Variants in DGKB observed in about 807,000 individuals in gnomAD.
DGKB encodes the protein diacylglycerol kinase beta, also known as 90 kDa diacylglycerol kinase.
In DGKB, 67 loss-of-function variants were observed where a neutral mutation model predicts 114.3. That is an observed-to-expected ratio of 0.59 (90% CI 0.48 to 0.72). The LOEUF (loss-of-function observed/expected upper bound fraction) is 0.72. Among genes scored for constraint, DGKB ranks in the 30% least tolerant of loss-of-function variants. DGKB has a pLI of 0.00. For synonymous variants in DGKB, 398 were observed against 323.1 expected, an observed-to-expected ratio of 1.23 and a Z score of -2.49; for missense variants, 907 against 975.2, an observed-to-expected ratio of 0.93 and a Z score of 0.93.
chr7:14,273,383 A>G (rs73281232), intron 23 of DGKB, among the ~76,000 whole-genome samples: 9,295 of 152,142 alleles, frequency 0.061, 928 homozygotes, highest in African/African-American at 0.21. Flanking sequence ...AAGAAAGAAA[A>G]GAAAGGTCTG....
chr7:14,400,435 G>A (rs1822924932), intron 21 of DGKB, among the ~76,000 whole-genome samples: 1 of 151,790 alleles, frequency 6.6e-6, no homozygotes, highest in South Asian at 2.1e-4. Context: ...TCTACAGAAA[G>A]CACCATATTC....
At chr7:14,495,125 C>G (rs1014095094) in intron 20 of DGKB, among the ~76,000 whole-genome samples, 1 of 151,840 alleles carries the variant, frequency 6.6e-6, no homozygotes, top group Non-Finnish European at 1.5e-5. Flanking sequence ...GTAGTCCCCA[C>G]TAATCAGTGG....
chr7:14,771,437 A>T (rs1237307325), intron 2 of DGKB, among the ~76,000 whole-genome samples: 1 of 152,060 alleles, frequency 6.6e-6, no homozygotes, highest in Admixed American at 6.6e-5. Context: ...AATATTACCC[A>T]ATGCTGGTGA....
intron 20 of DGKB, among the ~76,000 whole-genome samples, chr7:14,544,180 T>G (rs1271612353): frequency 6.6e-6 from 1 of 152,148 alleles, no homozygotes; most frequent in Non-Finnish European, 1.5e-5. Context: ...ACAATAAAGC[T>G]GTTGTCATTG....
intron 1 of DGKB, among the ~76,000 whole-genome samples, chr7:14,952,623 G>C (rs1786270090): frequency 6.6e-6 from 1 of 151,902 alleles, no homozygotes; most frequent in Admixed American, 6.6e-5. Flanking sequence ...AGGCATGGTG[G>C]CGCACGTCTC....
intron 21 of DGKB, among the ~76,000 whole-genome samples, chr7:14,400,577 G>A (rs953507348): frequency 6.6e-6 from 1 of 151,632 alleles, no homozygotes; most frequent in Non-Finnish European, 1.5e-5. Flanking sequence ...GCTTTTCAGC[G>A]TACATTCAAA....
chr7:14,420,141 T>C (rs1657064749), intron 21 of DGKB, among the ~76,000 whole-genome samples: 1 of 151,838 alleles, frequency 6.6e-6, no homozygotes, highest in Non-Finnish European at 1.5e-5. Context: ...TTAAAAGAAA[T>C]AGTCTTATTC....
At chr7:14,230,902 C>T (rs1791624054) in intron 23 of DGKB, among the ~76,000 whole-genome samples, 1 of 152,072 alleles carries the variant, frequency 6.6e-6, no homozygotes, top group Admixed American at 6.6e-5. Context: ...GTGTTCTTAA[C>T]ATGTAAGACT....
chr7:14,910,242 A>AAAAGAAAGAAAGAAAG lies in DGKB; in HGVS notation c.-188+64438_-188+64453dup, dbSNP rs61063816. ...GGTGACAGAGCGAGACTCCATCAAA[A>AAAAGAAAGAAAGAAAG]AAAGAAAGAAAGAAAGAAAGAAAGA... On this transcript the variant is annotated intron_variant, in intron 1 of 4. Transcript: ENST00000437998. Among the ~76,000 whole-genome samples, 52 of 110,078 alleles carry AAAAGAAAGAAAGAAAG rather than the reference A, an allele frequency of 4.7e-4. 1 individual carries two copies. The highest frequency in any genetic ancestry group is 4.8e-3 in the Middle Eastern group (1 of 208). 72.2% of individuals were successfully genotyped at this position (110,078 alleles called of 152,430 possible). A position where few individuals can be genotyped will look rare whatever the true frequency, so the allele number is the denominator to read the frequency against.
chr7:14,322,359 G>T (rs1209858179), intron 23 of DGKB, among the ~76,000 whole-genome samples: 1 of 152,128 alleles, frequency 6.6e-6, no homozygotes, highest in East Asian at 1.9e-4. Flanking sequence ...AGAAACTTGG[G>T]ATTAAGATTA....
chr7:14,846,944 A>T (rs1213140438), intron 1 of DGKB, among the ~76,000 whole-genome samples: 1 of 152,144 alleles, frequency 6.6e-6, no homozygotes, highest in African/African-American at 2.4e-5. Context: ...ATAAGTAATT[A>T]TTAGAAGTCA....
intron 23 of DGKB, among the ~76,000 whole-genome samples, chr7:14,326,904 C>A (rs1379416762): frequency 6.6e-6 from 1 of 152,074 alleles, no homozygotes; most frequent in Non-Finnish European, 1.5e-5. Flanking sequence ...CACATGCAAA[C>A]ACACACATGC....
At position 14,825,715 on chromosome 7, in the gene DGKB, T is replaced by C. The variant is rs531664358; in HGVS notation, c.70+15479A>G. 3.3e-4 allele frequency among the ~76,000 whole-genome samples: 50 copies of C among 152,230 alleles called. 1 individual carries two copies. Among genetic ancestry groups the C allele is most frequent in the African/African-American group, 1.1e-3 (46 of 41,548 alleles). On this transcript the variant is annotated intron_variant, in intron 2 of 25. Transcript: ENST00000402815. ...CCAGTACAGGTCAGTGGCAGGGGTATTGAGGACCCCTGTTTTAGATCAACT... is the reference window on the plus strand; with the variant it reads ...CCAGTACAGGTCAGTGGCAGGGGTACTGAGGACCCCTGTTTTAGATCAACT...
At chr7:14,474,745 A>G (rs1781917561) in intron 21 of DGKB, among the ~76,000 whole-genome samples, 1 of 152,004 alleles carries the variant, frequency 6.6e-6, no homozygotes, top group African/African-American at 2.4e-5. Flanking sequence ...GTTTATGAAT[A>G]CTAATTGACA....
At chr7:14,172,779 G>A (rs1012964545) in intron 25 of DGKB, among the ~76,000 whole-genome samples, 1 of 152,068 alleles carries the variant, frequency 6.6e-6, no homozygotes. Context: ...GTAAAGGGGT[G>A]CTGGTTGTAC....
At chr7:14,276,270 A>T (rs956389074) in intron 23 of DGKB, among the ~76,000 whole-genome samples, 37 of 152,308 alleles carry the variant, frequency 2.4e-4, no homozygotes, top group African/African-American at 7.7e-4. Context: ...TTGCAGAACT[A>T]TATATTTTCT....
intron 23 of DGKB, among the ~76,000 whole-genome samples, chr7:14,285,743 G>A (rs931470591): frequency 2.0e-5 from 3 of 152,050 alleles, no homozygotes; most frequent in African/African-American, 7.2e-5. Context: ...TATGTATGTA[G>A]GAAGATGTTA....
intron 2 of DGKB, among the ~76,000 whole-genome samples, chr7:14,837,583 G>T (rs1454591350): frequency 1.3e-5 from 2 of 152,044 alleles, no homozygotes; most frequent in African/African-American, 4.8e-5. Context: ...TGTACATAAA[G>T]AAATTCTTAT....
Position 14,648,683 on chromosome 7 carries a change from G to A in DGKB, c.1135-18415C>T, listed in dbSNP as rs571040983. Among the ~76,000 whole-genome samples the A allele has an allele frequency of 3.4e-3, 514 of 151,676 alleles. 1 individual carries two copies. Among genetic ancestry groups the A allele is most frequent in the African/African-American group, 0.011 (468 of 41,340 alleles). On this transcript the variant is annotated intron_variant, in intron 13 of 25. Transcript: ENST00000402815. The stretch of plus-strand genomic sequence containing the variant: ...GAGCTGAGAGAAGAAGGCTTCAGTC[G>A]ATCAAATTACTCTGAGCTACGGGAG...
Sources: gnomAD v4.1 joint callset for allele counts (sites outside exome capture counted in the v4.1 genomes callset) on GRCh38, gnomAD v4.1.1 for gene constraint, MANE v1.5 for transcripts, NCBI Gene and HGNC (gene_info 2026-07-23, HGNC 2026-07-21) for gene names.